Variants in PTPN23 observed in about 807,000 individuals in gnomAD.
The protein encoded by PTPN23 is protein tyrosine phosphatase non-receptor type 23, also known as tyrosine-protein phosphatase non-receptor type 23.
A neutral mutation model predicts 156.3 loss-of-function variants in PTPN23; 72 were observed. The ratio of observed to expected loss-of-function variants is 0.46; its 90% CI spans 0.38 to 0.56. The LOEUF (loss-of-function observed/expected upper bound fraction) is 0.56. Among genes scored for constraint, PTPN23 ranks in the 20% least tolerant of loss-of-function variants. The probability of loss-of-function intolerance (pLI) is 0.00; values close to 1 mark genes in which losing one functional copy is unlikely to be tolerated. For synonymous variants in PTPN23, 957 were observed against 899.6 expected (o/e 1.06, Z -1.14); for missense variants, 1,974 against 2,171.5 (o/e 0.91, Z 1.81).
intron 2 of PTPN23, among the ~76,000 whole-genome samples, chr3:47,397,830 C>T (rs751917413): frequency 3.1e-4 from 47 of 152,094 alleles, no homozygotes; most frequent in African/African-American, 1.0e-3. Flanking sequence ...CCACCACGCC[C>T]GGCTAATTTT....
chr3:47,408,170 T>C (rs752335674), intron 14 of PTPN23, among the ~76,000 whole-genome samples, 175 bp from the exon 15 acceptor site: 1 of 152,164 alleles, frequency 6.6e-6, no homozygotes, highest in South Asian at 2.1e-4. Flanking sequence ...TTTCCAGCAG[T>C]GCCCTGGGCA....
Position 47,413,167 on chromosome 3 carries a change from G to T in PTPN23, c.4893G>T (p.Trp1631Cys). ...CCCTCAGCCTTCTGGATCCACTCTG[G>T]ACACTCAACAAGACCTGAACAGGTT... ...DDPLSLLDPLWTLNKT is the reference protein window; with the variant it reads ...DDPLSLLDPLCTLNKT The change falls in exon 25 of 25, where the codon TGG (tryptophan) becomes TGT (cysteine). Residue 1631 changes from tryptophan (W) to cysteine (C), a missense_variant. Physicochemically the swap from Trp to Cys is radical, Grantham distance 215 (BLOSUM62 -2). Around this residue, in one of 4 missense-constraint regions of PTPN23, gnomAD observed 484 missense variants for 516.0 expected, o/e 0.94. Coordinates refer to ENST00000265562, the MANE Select transcript of PTPN23 (RefSeq NM_015466.4). The T allele has an allele frequency of 6.2e-7, 1 of 1,611,910 alleles. No homozygotes were observed. Among genetic ancestry groups the T allele is most frequent in the Non-Finnish European group, 8.5e-7 (1 of 1,179,516 alleles).
intron 1 of PTPN23, among the ~76,000 whole-genome samples, chr3:47,384,534 G>A (rs980210404): frequency 6.6e-6 from 1 of 151,518 alleles, no homozygotes; most frequent in African/African-American, 2.4e-5. Context: ...ATCAGGGAAG[G>A]CTTGCCAGAG....
In PTPN23 at chr3:47,413,216, C is replaced by G. The variant is rs373084496; in HGVS notation, c.*31C>G. 1 of 1,457,080 alleles carries G rather than the reference C, an allele frequency of 6.9e-7. No homozygotes were observed. The highest frequency in any genetic ancestry group is 9.4e-7 in the Non-Finnish European group (1 of 1,062,830). The allele number at this position is 1,457,080 out of a possible 1,614,324, so 90.3% of individuals were successfully genotyped here. On this transcript the variant is annotated 3_prime_UTR_variant, in exon 25 of 25. Transcript: ENST00000265562. ...TTTTGCCTACCTGGTCCTTACACTA[C>G]ATCATCATCATCTCATGCCCACCTG...
At position 47,412,840 on chromosome 3, in the gene PTPN23, C is replaced by A; in HGVS notation, c.4566C>A (p.Gly1522=). 3 of 1,613,440 alleles carry A rather than the reference C, an allele frequency of 1.9e-6. No individual in the cohort carries two copies. Among genetic ancestry groups the A allele is most frequent in the Non-Finnish European group, 2.5e-6 (3 of 1,179,882 alleles). Residue 1522 remains glycine, a synonymous_variant, in exon 25 of 25, where the codon GGC becomes GGA. Transcript: ENST00000265562. ...GLESPVASLP[G]PAEPPGLPPA... Reference sequence around the variant, plus strand: ...AGTCCCCGGTTGCCAGCTTGCCAGGCCCTGCAGAGCCCCCAGGCCTCCCGC... The same window carrying A: ...AGTCCCCGGTTGCCAGCTTGCCAGGACCTGCAGAGCCCCCAGGCCTCCCGC...
intron 23 of PTPN23, 42 bp downstream of exon 23, chr3:47,412,463 C>T: frequency 1.2e-6 from 2 of 1,611,400 alleles, no homozygotes; most frequent in Non-Finnish European, 1.7e-6. Context: ...GCCTTCTGTC[C>T]CAGGGTGACG....
rs552397269 is a variant in PTPN23 at position 47,410,653 on chromosome 3, G to GGCCCCAGCCCCA, written c.2862_2873dup (p.Gln954_Pro957dup). Reference sequence around the variant, plus strand: ...GCAGGTTTTCCAGCCCCAAGGATTGGGCCCCAGCCCCAGCCCCATCCTCAG... The same window carrying GGCCCCAGCCCCA: ...GCAGGTTTTCCAGCCCCAAGGATTGGGCCCCAGCCCCAGCCCCAGCCCCAGCCCCATCCTCAG... On this transcript the variant is annotated inframe_insertion, in exon 20 of 25. Transcript: ENST00000265562. The GGCCCCAGCCCCA allele has an allele frequency of 6.2e-7, 1 of 1,610,814 alleles. No homozygotes were observed. Among genetic ancestry groups the GGCCCCAGCCCCA allele is most frequent in the South Asian group, 1.1e-5 (1 of 90,928 alleles).
Position 47,405,901 on chromosome 3 carries a change from C to T in PTPN23, c.415-14C>T, listed in dbSNP as rs752581017. 11 of 1,612,552 alleles carry T rather than the reference C, an allele frequency of 6.8e-6. No homozygotes were observed. The East Asian group carries it at 2.5e-4, about 36-fold the overall frequency. ...CATGGAGTGGACACAGGCCATCCTC[C>T]CACTCCCTCCCAGGGCATGAAGGTC... On this transcript the variant is annotated splice_polypyrimidine_tract_variant and intron_variant, in intron 5 of 24. Coordinates refer to ENST00000265562, the MANE Select transcript of PTPN23 (RefSeq NM_015466.4). This position sits in a 1 kb window ranked among gnomAD's most constrained non-coding sequence, Gnocchi z 4.7.
chr3:47,383,158 G>T (rs1165210051), intron 1 of PTPN23, among the ~76,000 whole-genome samples: 2 of 152,132 alleles, frequency 1.3e-5, no homozygotes, highest in African/African-American at 4.8e-5. Context: ...GTGTGCATCT[G>T]ATAGAGGTAC....
rs572889660 is a variant in PTPN23 at position 47,411,575 on chromosome 3, A to G, written c.3777A>G (p.Leu1259=). ...VEGLSPYCPP[L]VATQAPLPGT... ...GGCTCTCCCCATACTGCCCCCCGCT[A>G]GTGGCAACCCAGGCCCCACTGCCTG... The change falls in exon 20 of 25, where the codon CTA becomes CTG. Residue 1259 remains leucine, a synonymous_variant. Coordinates refer to ENST00000265562, the MANE Select transcript of PTPN23 (RefSeq NM_015466.4). The surrounding 1 kb of genome is among the most constrained non-coding windows in gnomAD (Gnocchi z 6.3). 33 of 1,612,432 alleles carry G rather than the reference A, an allele frequency of 2.0e-5. No individual in the cohort carries two copies. In the South Asian group the frequency reaches 2.7e-4, roughly 13 times the overall value.
chr3:47,383,780 A>T (rs1704597830), intron 1 of PTPN23, among the ~76,000 whole-genome samples: 1 of 152,210 alleles, frequency 6.6e-6, no homozygotes, highest in Non-Finnish European at 1.5e-5. Flanking sequence ...CCAGGAGAGG[A>T]GTTGCTCATT....
chr3:47,382,978 C>T (rs1266609948), intron 1 of PTPN23, among the ~76,000 whole-genome samples: 3 of 152,098 alleles, frequency 2.0e-5, no homozygotes, highest in East Asian at 1.9e-4. Flanking sequence ...TGAGCCACCG[C>T]GCCTGGCCAA....
Position 47,411,332 on chromosome 3 carries a change from G to A in PTPN23, c.3534G>A (p.Leu1178=), listed in dbSNP as rs1250161532. The A allele has an allele frequency of 6.2e-7, 1 of 1,612,888 alleles. No homozygotes were observed. The highest frequency in any genetic ancestry group is 8.5e-7 in the Non-Finnish European group (1 of 1,180,008). The change falls in exon 20 of 25, where the codon CTG becomes CTA. Residue 1178 remains leucine, a synonymous_variant. Coordinates refer to ENST00000265562, the MANE Select transcript of PTPN23 (RefSeq NM_015466.4). This position sits in a 1 kb window ranked among gnomAD's most constrained non-coding sequence, Gnocchi z 6.3. The stretch of plus-strand genomic sequence containing the variant: ...GGCTGCGGCAGTTGCAGCAGGAGCT[G>A]GAGGCCTTTCGGGGTCAGCTGGGGG... ...PERLRQLQQE[L]EAFRGQLGDV... is the part of the protein sequence containing the mutation.
intron 15 of PTPN23, 63 bp from the exon 16 acceptor site, chr3:47,408,713 G>A (rs2107718967): frequency 2.6e-6 from 4 of 1,530,140 alleles, no homozygotes; most frequent in Non-Finnish European, 3.5e-6. Flanking sequence ...TCTCTTGGGG[G>A]AGGGGCCCAT....
chr3:47,391,232 C>T (rs560692942), intron 1 of PTPN23, among the ~76,000 whole-genome samples: 3 of 152,170 alleles, frequency 2.0e-5, no homozygotes, highest in Admixed American at 6.5e-5. Context: ...CAGAACAAGA[C>T]CTTGTCTCGA....
chr3:47,410,280 A>G lies in PTPN23; in HGVS notation c.2482A>G (p.Thr828Ala). 1.9e-6 allele frequency: 3 copies of G among 1,607,012 alleles called. No homozygotes were observed. The highest frequency in any genetic ancestry group is 1.7e-4 in the Middle Eastern group (1 of 6,038). Residue 828 changes from threonine to alanine, a missense_variant, in exon 20 of 25, where the codon ACA (threonine) becomes GCA (alanine). Transcript: ENST00000265562. ...TGCCCTCTACCCAGCCCCTGCCTACACACCGGAGCTGGGCCTTGTGCCCCG... is the reference window on the plus strand; with the variant it reads ...TGCCCTCTACCCAGCCCCTGCCTACGCACCGGAGCTGGGCCTTGTGCCCCG... The part of the protein sequence containing the change: ...GPALYPAPAY[T>A]PELGLVPRSS...
At chr3:47,412,479 C>T in intron 23 of PTPN23, 35 bp from the exon 24 acceptor site, 1 of 1,611,614 alleles carries the variant, frequency 6.2e-7, no homozygotes, top group Admixed American at 1.7e-5. Context: ...TGACGGGCCC[C>T]TGCCCAGCTG....
At position 47,388,664 on chromosome 3, in the gene PTPN23, C is replaced by CTT. The variant is rs35817505; in HGVS notation, c.85-7462_85-7461dup. Among the ~76,000 whole-genome samples, 784 of 126,940 alleles carry CTT rather than the reference C, an allele frequency of 6.2e-3. 22 individuals carry two copies. The highest frequency in any genetic ancestry group is 0.013 in the African/African-American group (448 of 34,720). The allele number at this position is 126,940 out of a possible 152,430, so 83.3% of individuals were successfully genotyped here. On this transcript the variant is annotated intron_variant, in intron 1 of 24. Transcript: ENST00000265562. ...CCCTGTTTTGCTGTCACTACTAGAT[C>CTT]TTTTTTTTTTTTTTTTTTGAGACAG...
chr3:47,392,529 C>G (rs917269778), intron 1 of PTPN23, among the ~76,000 whole-genome samples: 1 of 151,952 alleles, frequency 6.6e-6, no homozygotes, highest in Admixed American at 6.6e-5. Flanking sequence ...TTGTTGTTGT[C>G]ATAATTATTT....
Sources: allele counts gnomAD v4.1 joint callset (sites outside exome capture counted in the v4.1 genomes callset), GRCh38; gene constraint gnomAD v4.1.1; regional missense constraint gnomAD v4.1.1; non-coding constraint Gnocchi (gnomAD v3.1); transcripts MANE v1.5; gene names NCBI Gene and HGNC (gene_info 2026-07-23, HGNC 2026-07-21).